The following SLC35E4 variants were observed in gnomAD, a reference collection of about 807,000 sequenced individuals.
SLC35E4 encodes solute carrier family 35, member E4.
SLC35E4 carries 15 observed loss-of-function variants against 19.3 expected under a neutral mutation model. The observed-to-expected ratio is 0.78, with a 90% CI of 0.52 to 1.20. The LOEUF (loss-of-function observed/expected upper bound fraction) is 1.20, where lower values mean the gene tolerates loss of function less well. Among genes scored for constraint, SLC35E4 ranks in the 50% most tolerant of loss-of-function variants. The pLI is 0.00. For missense variants in SLC35E4, 406 were observed against 472.3 expected (o/e 0.86, Z 1.30); for synonymous variants, 219 against 219.9 (o/e 1.00, Z 0.04).
downstream of SLC35E4, among the ~76,000 whole-genome samples, chr22:30,649,440 C>G (rs981611913): frequency 6.6e-6 from 1 of 152,218 alleles, no homozygotes; most frequent in Admixed American, 6.5e-5. Flanking sequence ...TAAGGGACCA[C>G]AGTGCCAGCA....
At chr22:30,645,089 G>T (rs2088106227) in intron 1 of SLC35E4, among the ~76,000 whole-genome samples, 2 of 152,200 alleles carry the variant, frequency 1.3e-5, no homozygotes, top group African/African-American at 4.8e-5. Flanking sequence ...ATGAGGCAAT[G>T]AATGGGTCAC....
chr22:30,636,632 C>T lies in SLC35E4; in HGVS notation c.182C>T (p.Ala61Val). 6.2e-7 allele frequency: 1 copy of T among 1,609,292 alleles called. No homozygotes were observed. The highest frequency in any genetic ancestry group is 8.5e-7 in the Non-Finnish European group (1 of 1,178,440). The change falls in exon 1 of 2, where the codon GCC becomes GTC. Residue 61 changes from alanine (A) to valine (V), a missense_variant. Coordinates refer to ENST00000343605, the MANE Select transcript of SLC35E4 (RefSeq NM_001001479.4). Reference sequence around the variant, plus strand: ...GCACTGGTGTGGCTGCTGGCGGGAGCCAGCATGTCAAGCCTCAACAAGTGG... The same window carrying T: ...GCACTGGTGTGGCTGCTGGCGGGAGTCAGCATGTCAAGCCTCAACAAGTGG... ...MAALVWLLAG[A>V]SMSSLNKWIF...
chr22:30,665,645 T>G (rs1230523684), downstream of SLC35E4: 1 of 433,470 alleles, frequency 2.3e-6, no homozygotes, highest in Non-Finnish European at 4.8e-6. Context: ...AGCCCTATGT[T>G]CTCTCCTTCC....
chr22:30,658,386 A>T (rs796829544), intron 2 of SLC35E4, among the ~76,000 whole-genome samples: 3,142 of 147,612 alleles, frequency 0.021, 101 homozygotes, highest in African/African-American at 0.074. Context: ...AAAAAAAAAA[A>T]TTTTTTTTTT....
At chr22:30,658,134 A>T (rs1207611840) in intron 2 of SLC35E4, among the ~76,000 whole-genome samples, 1 of 151,510 alleles carries the variant, frequency 6.6e-6, no homozygotes, top group East Asian at 1.9e-4. Context: ...GTTAAAAAAA[A>T]CTGAATCTCT....
At position 30,646,708 on chromosome 22, in the gene SLC35E4, GC is replaced by G; in HGVS notation, c.734del (p.Pro245HisfsTer144). On this transcript the variant is annotated frameshift_variant, in exon 2 of 2. Coordinates refer to ENST00000343605, the MANE Select transcript of SLC35E4 (RefSeq NM_001001479.4). LOFTEE classifies it high-confidence loss of function. ...AGCCCTGGTGCTGGAGGCTGGCGTT[GC>G]CCCACCGCCCACTGCTGGCGACTCT... ...GAALVLEAGV[A>X]PPPTAGDSRL... 1 of 1,612,382 alleles carries G rather than the reference GC, an allele frequency of 6.2e-7. No homozygotes were observed.
chr22:30,657,910 AAT>A (rs1569065565), intron 2 of SLC35E4, among the ~76,000 whole-genome samples: 46 of 14,698 alleles, frequency 3.1e-3, no homozygotes, highest in Non-Finnish European at 5.8e-3. Flanking sequence ...TCTCAAAAAT[AAT>A]AATAATAATA....
At chr22:30,665,485 C>A, downstream of SLC35E4, 1 of 470,074 alleles carries the variant, frequency 2.1e-6, no homozygotes, top group Non-Finnish European at 4.4e-6. Flanking sequence ...TCCTTATGAA[C>A]CCATCAGATC....
intron 1 of SLC35E4, among the ~76,000 whole-genome samples, chr22:30,637,570 T>A (rs538392265): frequency 1.0e-3 from 152 of 152,276 alleles, no homozygotes; most frequent in African/African-American, 3.5e-3. Context: ...TTTTTTTTTT[T>A]TATAGACACA....
At chr22:30,643,603 C>T (rs8135450) in intron 1 of SLC35E4, among the ~76,000 whole-genome samples, 6,541 of 151,976 alleles carry the variant, frequency 0.043, 317 homozygotes, top group East Asian at 0.24. Flanking sequence ...TGCCAGCTGC[C>T]GGGGTGAGCC....
chr22:30,646,911 C>T lies in SLC35E4; in HGVS notation c.933C>T (p.Ser311=). 2 of 1,614,238 alleles carry T rather than the reference C, an allele frequency of 1.2e-6. No individual in the cohort carries two copies. The highest frequency in any genetic ancestry group is 1.1e-5 in the South Asian group (1 of 91,086). The change falls in exon 2 of 2, where the codon AGC becomes AGT. Residue 311 remains serine, a synonymous_variant. Coordinates refer to ENST00000343605, the MANE Select transcript of SLC35E4 (RefSeq NM_001001479.4). ...TTGGCAGCCGCCTCAGTGCCCTCAG[C>T]TACGTGGGCATCGCACTCACTCTTT... ...LLFGSRLSAL[S]YVGIALTLSG...
intron 2 of SLC35E4, among the ~76,000 whole-genome samples, chr22:30,657,300 C>A (rs1032398710): frequency 8.3e-5 from 3 of 36,234 alleles, no homozygotes; most frequent in Non-Finnish European, 3.0e-4. Flanking sequence ...CACACACACA[C>A]ACACACAAAT....
At chr22:30,666,351 T>G (rs1488873423), downstream of SLC35E4, among the ~76,000 whole-genome samples, 1 of 152,142 alleles carries the variant, frequency 6.6e-6, no homozygotes, top group Non-Finnish European at 1.5e-5. Context: ...CTGGGCACGG[T>G]GGCTTAAGCC....
intron 1 of SLC35E4, among the ~76,000 whole-genome samples, chr22:30,638,673 GTGA>G (rs201817166): frequency 7.1e-6 from 1 of 141,208 alleles, no homozygotes; most frequent in East Asian, 2.0e-4. Context: ...TTAGCTGAGC[GTGA>G]TGGTGGGCGC....
At chr22:30,644,152 C>T (rs928475322) in intron 1 of SLC35E4, among the ~76,000 whole-genome samples, 6 of 152,188 alleles carry the variant, frequency 3.9e-5, no homozygotes, top group South Asian at 2.1e-4. Context: ...TGTTAACTTT[C>T]GAGCCTGCGA....
chr22:30,666,141 G>A (rs2088648648), downstream of SLC35E4, among the ~76,000 whole-genome samples: 1 of 152,188 alleles, frequency 6.6e-6, no homozygotes, highest in Non-Finnish European at 1.5e-5. Flanking sequence ...GCTAAGGAAT[G>A]TTCTGGATCC....
At chr22:30,654,651 G>T in intron 2 of SLC35E4, 1 of 451,416 alleles carries the variant, frequency 2.2e-6, no homozygotes, top group South Asian at 1.7e-5. Flanking sequence ...TCCACTTGTG[G>T]AGGAAGGCCA....
intron 1 of SLC35E4, among the ~76,000 whole-genome samples, chr22:30,642,664 C>A: frequency 6.7e-6 from 1 of 148,960 alleles, no homozygotes; most frequent in African/African-American, 2.5e-5. Flanking sequence ...TCTCTTGAAC[C>A]AGGGAGGCGG....
chr22:30,659,077 T>C (rs1225216244), intron 2 of SLC35E4, among the ~76,000 whole-genome samples: 1 of 145,174 alleles, frequency 6.9e-6, no homozygotes, highest in Non-Finnish European at 1.5e-5. Flanking sequence ...TGAGCTGGGA[T>C]TGCGCCATTG....
Sources: allele counts gnomAD v4.1 joint callset (sites outside exome capture counted in the v4.1 genomes callset), GRCh38; gene constraint gnomAD v4.1.1; transcripts MANE v1.5; gene names NCBI Gene and HGNC (gene_info 2026-07-23, HGNC 2026-07-21).